The following PDGFC variants were observed in gnomAD, a reference collection of about 807,000 sequenced individuals.
PDGFC encodes platelet-derived growth factor C.
In PDGFC, 12 loss-of-function variants were observed where a neutral mutation model predicts 35.5. The ratio of observed to expected loss-of-function variants is 0.34; its 90% confidence interval spans 0.22 to 0.55. The LOEUF (loss-of-function observed/expected upper bound fraction) is 0.55, where lower values mean the gene tolerates loss of function less well. Among genes scored for constraint, PDGFC ranks in the 20% least tolerant of loss-of-function variants. The pLI is 0.91. For missense variants in PDGFC, 322 were observed against 412.4 expected (o/e 0.78, Z 1.90); for synonymous variants, 159 against 148.8 (o/e 1.07, Z -0.50).
chr4:156,824,668 A>C (rs1380983935), intron 2 of PDGFC, among the ~76,000 whole-genome samples: 1 of 151,398 alleles, frequency 6.6e-6, no homozygotes, highest in African/African-American at 2.4e-5. Context: ...GTAGATAAGC[A>C]CTTTTACGGA....
intron 2 of PDGFC, among the ~76,000 whole-genome samples, chr4:156,833,523 C>T (rs1579043325): frequency 6.6e-6 from 1 of 152,078 alleles, no homozygotes; most frequent in Non-Finnish European, 1.5e-5. Context: ...TCAAAATCAT[C>T]AAATAAGAGT....
intron 1 of PDGFC, among the ~76,000 whole-genome samples, chr4:156,915,715 A>T (rs1458591686): frequency 6.6e-6 from 1 of 152,142 alleles, no homozygotes; most frequent in African/African-American, 2.4e-5. Context: ...ATCCCGGCAG[A>T]GGTTGCAGTG....
chr4:156,845,360 T>C (rs1445489189), intron 2 of PDGFC, among the ~76,000 whole-genome samples: 1 of 151,490 alleles, frequency 6.6e-6, no homozygotes, highest in Non-Finnish European at 1.5e-5. Flanking sequence ...AAGGACATAA[T>C]GAATGTAAGA....
chr4:156,838,897 G>A (rs1729131455), intron 2 of PDGFC, among the ~76,000 whole-genome samples: 1 of 152,094 alleles, frequency 6.6e-6, no homozygotes, highest in Non-Finnish European at 1.5e-5. Context: ...AGGAGTCAAA[G>A]GAATGAGAAA....
intron 1 of PDGFC, among the ~76,000 whole-genome samples, chr4:156,891,941 A>G (rs1182398761): frequency 1.4e-4 from 21 of 152,140 alleles, no homozygotes; most frequent in Admixed American, 1.1e-3. Context: ...CCAAACTAGT[A>G]CTCTTATTCA....
intron 1 of PDGFC, among the ~76,000 whole-genome samples, chr4:156,864,784 C>G (rs1407784382): frequency 6.6e-6 from 1 of 152,016 alleles, no homozygotes; most frequent in Non-Finnish European, 1.5e-5. Context: ...ACATGATTTG[C>G]TAAATAATGT....
intron 1 of PDGFC, among the ~76,000 whole-genome samples, chr4:156,878,615 G>A (rs775473030): frequency 2.3e-4 from 35 of 151,922 alleles, no homozygotes; most frequent in Admixed American, 9.2e-4. Flanking sequence ...TATACTTACC[G>A]GTTGAGCATT....
At chr4:156,799,841 T>C (rs1192001937) in intron 3 of PDGFC, among the ~76,000 whole-genome samples, 1 of 152,198 alleles carries the variant, frequency 6.6e-6, no homozygotes, top group African/African-American at 2.4e-5. Flanking sequence ...TAGATTACCG[T>C]GTGGAGACAC....
chr4:156,782,773 C>T (rs1731017428), intron 3 of PDGFC, among the ~76,000 whole-genome samples: 1 of 152,134 alleles, frequency 6.6e-6, no homozygotes, highest in Non-Finnish European at 1.5e-5. Flanking sequence ...ACCTCAAACA[C>T]ACCTGAAAAG....
chr4:156,898,534 T>C (rs892144224), intron 1 of PDGFC, among the ~76,000 whole-genome samples: 9 of 152,252 alleles, frequency 5.9e-5, no homozygotes, highest in African/African-American at 1.9e-4. Context: ...AATCTGCAAC[T>C]GCAACTTGTG....
At chr4:156,840,732 A>G (rs532766191) in intron 2 of PDGFC, among the ~76,000 whole-genome samples, 2 of 152,294 alleles carry the variant, frequency 1.3e-5, no homozygotes, top group African/African-American at 4.8e-5. Flanking sequence ...GTACCCTGCA[A>G]AGCCACAGGG....
At chr4:156,764,445 G>A (rs1204140870) in intron 5 of PDGFC, among the ~76,000 whole-genome samples, 1 of 152,154 alleles carries the variant, frequency 6.6e-6, no homozygotes, top group African/African-American at 2.4e-5. Context: ...AGTGAACAGA[G>A]GCTTAGACAG....
intron 1 of PDGFC, among the ~76,000 whole-genome samples, chr4:156,868,256 A>G (rs1729892910): frequency 6.6e-6 from 1 of 152,248 alleles, no homozygotes; most frequent in Admixed American, 6.5e-5. Context: ...GTCACCAAAA[A>G]TAAAGGCGAG....
At chr4:156,871,119 A>C (rs1404235725) in intron 1 of PDGFC, among the ~76,000 whole-genome samples, 1 of 152,122 alleles carries the variant, frequency 6.6e-6, no homozygotes, top group Middle Eastern at 3.2e-3. Flanking sequence ...CCTTCCTATT[A>C]ACTGCTCAGT....
chr4:156,897,338 G>A (rs1730656242), intron 1 of PDGFC, among the ~76,000 whole-genome samples: 1 of 128,414 alleles, frequency 7.8e-6, no homozygotes, highest in South Asian at 2.5e-4. Context: ...ATGAGAGAGT[G>A]TGTGAGAGTG....
chr4:156,772,604 C>G, intron 4 of PDGFC, 82 bp downstream of exon 4: 2 of 836,016 alleles, frequency 2.4e-6, no homozygotes, highest in Admixed American at 4.3e-5. Flanking sequence ...AAACTCTACC[C>G]TTTAGAAGCT....
At chr4:156,784,461 G>A (rs1303571839) in intron 3 of PDGFC, among the ~76,000 whole-genome samples, 2 of 152,196 alleles carry the variant, frequency 1.3e-5, no homozygotes, top group Admixed American at 1.3e-4. Flanking sequence ...CACAGGTGGT[G>A]TTCTGTGACC....
At chr4:156,881,629 G>A (rs756979349) in intron 1 of PDGFC, among the ~76,000 whole-genome samples, 4 of 151,960 alleles carry the variant, frequency 2.6e-5, no homozygotes, top group South Asian at 2.1e-4. Flanking sequence ...TCAGGAGTCC[G>A]AGACCAGCCT....
intron 1 of PDGFC, among the ~76,000 whole-genome samples, chr4:156,925,620 T>A (rs1731390236): frequency 6.6e-6 from 1 of 151,940 alleles, no homozygotes; most frequent in Non-Finnish European, 1.5e-5. Context: ...TAGATAATTA[T>A]ACAGGTTTGG....
Sources: allele counts gnomAD v4.1 joint callset (sites outside exome capture counted in the v4.1 genomes callset), GRCh38; gene constraint gnomAD v4.1.1; transcripts MANE v1.5; gene names NCBI Gene and HGNC (gene_info 2026-07-23, HGNC 2026-07-21).